The following LTA4H variants were observed in gnomAD, a reference collection of about 807,000 sequenced individuals.
The protein encoded by LTA4H is leukotriene A4 hydrolase, also known as leukotriene A-4 hydrolase.
In LTA4H, 59 loss-of-function variants were observed where a neutral mutation model predicts 89.8. That is an observed-to-expected ratio of 0.66 (90% CI 0.53 to 0.82). The LOEUF (loss-of-function observed/expected upper bound fraction) is 0.82, where lower values mean the gene tolerates loss of function less well. LTA4H is among the 40% of genes least tolerant of loss of function. LTA4H has a pLI of 0.00. For synonymous variants in LTA4H, 227 were observed against 253.1 expected, an observed-to-expected ratio of 0.90 and a Z score of 0.98; for missense variants, 617 against 727.0, an observed-to-expected ratio of 0.85 and a Z score of 1.74.
chr12:96,036,099 T>G (rs560776584), upstream of LTA4H, among the ~76,000 whole-genome samples: 62 of 149,982 alleles, frequency 4.1e-4, no homozygotes, highest in African/African-American at 1.4e-3. Flanking sequence ...GGAGGCACAG[T>G]AATTGTTTTT....
intron 5 of LTA4H, 64 bp from the exon 6 acceptor site, chr12:96,021,201 A>C: frequency 8.2e-7 from 1 of 1,220,694 alleles, no homozygotes. Context: ...TTACACAGTA[A>C]GACAATTCAT....
rs903452797 is a variant in LTA4H, at chr12:96,035,581, G to C, written c.-62C>G. 7 of 1,524,546 alleles carry C rather than the reference G, an allele frequency of 4.6e-6. No homozygotes were observed. The highest frequency in any genetic ancestry group is 1.4e-5 in the African/African-American group (1 of 73,032). The allele number at this position is 1,524,546 out of a possible 1,614,324, so 94.4% of individuals were successfully genotyped here. ...CCAACGCTCAGCTACCAGACTCGTCGATAGAGAACCTGAGGAGGAGGGAGA... is the reference window on the plus strand; with the variant it reads ...CCAACGCTCAGCTACCAGACTCGTCCATAGAGAACCTGAGGAGGAGGGAGA... On this transcript the variant is annotated 5_prime_UTR_variant, in exon 1 of 19. The change creates a new upstream start codon in the 5' untranslated region. Coordinates refer to ENST00000228740, the MANE Select transcript of LTA4H (RefSeq NM_000895.3).
intron 15 of LTA4H, among the ~76,000 whole-genome samples, chr12:96,008,811 C>T (rs975611475): frequency 1.3e-5 from 2 of 152,032 alleles, no homozygotes; most frequent in Non-Finnish European, 2.9e-5. Context: ...CCCAGTTACT[C>T]GGGAGGCTGA....
intron 12 of LTA4H, 147 bp from the exon 13 acceptor site, chr12:96,014,000 ATGTTC>A: frequency 1.9e-6 from 1 of 531,570 alleles, no homozygotes; most frequent in Middle Eastern, 3.0e-4. Context: ...GAGTGAAAGA[ATGTTC>A]AAAAAAGGAG....
At chr12:96,030,885 A>G (rs531548397) in intron 1 of LTA4H, among the ~76,000 whole-genome samples, 36 of 152,276 alleles carry the variant, frequency 2.4e-4, no homozygotes, top group Non-Finnish European at 4.1e-4. Context: ...TTCATATTCT[A>G]GTACCTCTCT....
At position 96,013,133 on chromosome 12, in the gene LTA4H, G is replaced by A. The variant is rs1345233954; in HGVS notation, c.1379+55C>T. The A allele has an allele frequency of 3.1e-6, 4 of 1,303,822 alleles. No homozygotes were observed. The East Asian group carries it at 9.2e-5, about 30-fold the overall frequency. 80.8% of individuals were successfully genotyped at this position (1,303,822 alleles called of 1,614,324 possible). A position where few individuals can be genotyped will look rare whatever the true frequency, so the allele number is the denominator to read the frequency against. The stretch of plus-strand genomic sequence containing the variant: ...CATACTATTCTTTCAGATATTTTGA[G>A]GCTCTCTAGGAGTTAGGAGAATGAG... On this transcript the variant is annotated intron_variant, in intron 14 of 18. Coordinates refer to ENST00000228740, the MANE Select transcript of LTA4H (RefSeq NM_000895.3).
rs759400036 is a variant in LTA4H at position 96,035,485 on chromosome 12, G to A, written c.35C>T (p.Ser12Phe). ...CTTGGTCCGGCAGACGGAAGCCGGA[G>A]AGGCCAACGAACAGGTATCCACTAT... ...PEIVDTCSLA[S>F]PASVCRTKHL... Residue 12 changes from serine to phenylalanine, a missense_variant, in exon 1 of 19, where the codon TCT becomes TTT. Coordinates refer to ENST00000228740, the MANE Select transcript of LTA4H (RefSeq NM_000895.3). 10 of 1,608,690 alleles carry A rather than the reference G, an allele frequency of 6.2e-6. No individual in the cohort carries two copies. Among genetic ancestry groups the A allele is most frequent in the Non-Finnish European group, 8.5e-7 (1 of 1,177,702 alleles).
intron 1 of LTA4H, among the ~76,000 whole-genome samples, chr12:96,040,698 T>A (rs1372461224): frequency 6.6e-6 from 1 of 152,186 alleles, no homozygotes; most frequent in Non-Finnish European, 1.5e-5. Flanking sequence ...AATAGCCAGG[T>A]CTCTGGGGAT....
At chr12:96,042,297 C>T (rs1399648477) in intron 1 of LTA4H, among the ~76,000 whole-genome samples, 1 of 152,094 alleles carries the variant, frequency 6.6e-6, no homozygotes, top group African/African-American at 2.4e-5. Flanking sequence ...GGTCCACTAA[C>T]GCAGGCCTCC....
chr12:96,011,843 G>A (rs934302482), intron 14 of LTA4H: 1 of 152,076 alleles, frequency 6.6e-6, no homozygotes, highest in Admixed American at 6.5e-5. Flanking sequence ...TATGACTTCA[G>A]GTCCTCATAA....
intron 1 of LTA4H, among the ~76,000 whole-genome samples, chr12:96,041,594 C>T (rs1264583338): frequency 6.6e-6 from 1 of 151,958 alleles, no homozygotes; most frequent in Non-Finnish European, 1.5e-5. Context: ...TCCCCCTTTA[C>T]ACCAAGTTAA....
chr12:96,035,281 G>A, intron 1 of LTA4H, 80 bp downstream of exon 1: 1 of 1,433,064 alleles, frequency 7.0e-7, no homozygotes. Context: ...GTGAGCCGGA[G>A]ATCCGGGAGC....
At chr12:96,032,745 C>A (rs1950589383) in intron 1 of LTA4H, among the ~76,000 whole-genome samples, 1 of 152,124 alleles carries the variant, frequency 6.6e-6, no homozygotes, top group Non-Finnish European at 1.5e-5. Flanking sequence ...GACATGCCAA[C>A]CAGAAATCAC....
At position 96,035,479 on chromosome 12, in the gene LTA4H, G is replaced by T. The variant is rs1950630541; in HGVS notation, c.41C>A (p.Ala14Asp). 1.9e-6 allele frequency: 3 copies of T among 1,608,960 alleles called. No homozygotes were observed. The highest frequency in any genetic ancestry group is 2.5e-6 in the Non-Finnish European group (3 of 1,177,778). ...CAGGTGCTTGGTCCGGCAGACGGAA[G>T]CCGGAGAGGCCAACGAACAGGTATC... ...IVDTCSLASP[A>D]SVCRTKHLHL... Residue 14 changes from alanine to aspartate, a missense_variant, in exon 1 of 19, where the codon GCT becomes GAT. Coordinates refer to ENST00000228740, the MANE Select transcript of LTA4H (RefSeq NM_000895.3).
intron 12 of LTA4H, chr12:96,014,055 A>T: frequency 2.3e-6 from 1 of 430,452 alleles, no homozygotes; most frequent in Non-Finnish European, 4.1e-6. Flanking sequence ...TATGTAATTC[A>T]GTGGAAGGGA....
chr12:96,041,966 G>A (rs2540478), intron 1 of LTA4H, among the ~76,000 whole-genome samples: 106,289 of 146,514 alleles, frequency 0.73, 38,953 homozygotes, highest in South Asian at 0.78. Context: ...TAAATTAAAC[G>A]TTTCTTTTTG....
chr12:96,035,492 A>G lies in LTA4H; in HGVS notation c.28T>C (p.Leu10=). 3 of 1,608,380 alleles carry G rather than the reference A, an allele frequency of 1.9e-6. No individual in the cohort carries two copies. The highest frequency in any genetic ancestry group is 2.5e-6 in the Non-Finnish European group (3 of 1,177,504). MPEIVDTCS[L]ASPASVCRTK... Reference sequence around the variant, plus strand: ...CGGCAGACGGAAGCCGGAGAGGCCAACGAACAGGTATCCACTATCTCGGGC... The same window carrying G: ...CGGCAGACGGAAGCCGGAGAGGCCAGCGAACAGGTATCCACTATCTCGGGC... The change falls in exon 1 of 19, where the codon TTG becomes CTG. Residue 10 remains leucine (L), a synonymous_variant. Transcript: ENST00000228740.
At chr12:96,027,153 T>C (rs188890741) in intron 3 of LTA4H, among the ~76,000 whole-genome samples, 1 of 152,338 alleles carries the variant, frequency 6.6e-6, no homozygotes, top group East Asian at 1.9e-4. Flanking sequence ...TTATGACTAT[T>C]TACTGAGTAC....
At chr12:96,013,447 C>T (rs577484883) in intron 13 of LTA4H, among the ~76,000 whole-genome samples, 189 bp from the exon 14 acceptor site, 23 of 152,124 alleles carry the variant, frequency 1.5e-4, no homozygotes, top group African/African-American at 5.1e-4. Flanking sequence ...TGACACAATG[C>T]GATGTTTTGA....
Sources: allele counts gnomAD v4.1 joint callset (sites outside exome capture counted in the v4.1 genomes callset), GRCh38; gene constraint gnomAD v4.1.1; transcripts MANE v1.5; gene names NCBI Gene and HGNC (gene_info 2026-07-23, HGNC 2026-07-21).